The following SLC5A6 variants were observed in gnomAD, a reference collection of about 807,000 sequenced individuals.
The protein encoded by SLC5A6 is sodium-dependent multivitamin transporter.
Under a neutral mutation model 67.9 loss-of-function variants are expected in SLC5A6, and 31 were observed. The ratio of observed to expected loss-of-function variants is 0.46; its 90% CI spans 0.34 to 0.62. The LOEUF (loss-of-function observed/expected upper bound fraction) is 0.62, where lower values mean the gene tolerates loss of function less well. Among genes scored for constraint, SLC5A6 ranks in the 20% least tolerant of loss-of-function variants. The pLI, the probability that SLC5A6 is intolerant of heterozygous loss-of-function variation, is 0.01. For synonymous variants in SLC5A6, 343 were observed against 331.0 expected (o/e 1.04, Z -0.39); for missense variants, 673 against 812.8 (o/e 0.83, Z 2.09).
At position 27,202,970 on chromosome 2, in the gene SLC5A6, C is replaced by T; in HGVS notation, c.1208-90G>A. 5 of 1,573,490 alleles carry T rather than the reference C, an allele frequency of 3.2e-6. No homozygotes were observed. The Admixed American group carries it at 7.9e-5, about 25-fold the overall frequency. ...AAGGCTCCCTGCCCAGCCAAACTAC[C>T]ACCTCTGTCTCTCTGGAAACAAAAG... On this transcript the variant is annotated intron_variant, in intron 11 of 16. Coordinates refer to ENST00000310574, the MANE Select transcript of SLC5A6 (RefSeq NM_021095.4).
At chr2:27,202,767 T>C in intron 12 of SLC5A6, 46 bp downstream of exon 12, 1 of 1,529,556 alleles carries the variant, frequency 6.5e-7, no homozygotes, top group Middle Eastern at 1.7e-4. Flanking sequence ...TTTCAATCAA[T>C]TCCTTCTCTC....
rs757080395 is a variant in SLC5A6, at chr2:27,207,558, C to T, written c.93G>A (p.Val31=). The part of the protein sequence containing the change: ...MSTFSIMDYV[V]FVLLLVLSLA... ...GAGAGAGAACCAGCAGCAGGACGAA[C>T]ACCACATAGTCCATGATGGAGAAGG... is the stretch of plus-strand genomic sequence containing the variant. Residue 31 remains valine (V), a synonymous_variant, in exon 3 of 17, where the codon GTG becomes GTA. Coordinates refer to ENST00000310574, the MANE Select transcript of SLC5A6 (RefSeq NM_021095.4). The surrounding 1 kb of genome is among the most constrained non-coding windows in gnomAD (Gnocchi z 5.5). 9.9e-6 allele frequency: 16 copies of T among 1,614,248 alleles called. No individual in the cohort carries two copies. The highest frequency in any genetic ancestry group is 1.7e-5 in the Admixed American group (1 of 60,028).
At position 27,205,351 on chromosome 2, in the gene SLC5A6, C is replaced by G; in HGVS notation, c.733G>C (p.Glu245Gln). 1 of 1,614,070 alleles carries G rather than the reference C, an allele frequency of 6.2e-7. No homozygotes were observed. The highest frequency in any genetic ancestry group is 8.5e-7 in the Non-Finnish European group (1 of 1,179,976). Residue 245 changes from glutamate (E) to glutamine (Q), a missense_variant and splice_region_variant, in exon 7 of 17, where the codon GAG becomes CAG. Glu to Gln is a conservative substitution (Grantham distance 29). Coordinates refer to ENST00000310574, the MANE Select transcript of SLC5A6 (RefSeq NM_021095.4). ...ASQHGRISGF[E>Q]LDPDPFVRHT... ...AGCCAGGAGTAGGGGTATACTTACT[C>G]AAACCCAGAGATGCGGCCGTGCTGG...
chr2:27,203,746 A>C, intron 10 of SLC5A6, 33 bp downstream of exon 10: 1 of 1,508,870 alleles, frequency 6.6e-7, no homozygotes, highest in Non-Finnish European at 9.2e-7. Context: ...GGTCAGGTGC[A>C]CCAGGCCTGA....
At chr2:27,206,446 A>C in intron 5 of SLC5A6, 37 bp downstream of exon 5, 1 of 1,605,058 alleles carries the variant, frequency 6.2e-7, no homozygotes, top group Non-Finnish European at 8.5e-7. Flanking sequence ...TTCCTAACCT[A>C]CCACGGCTGA....
upstream of SLC5A6, chr2:27,212,341 G>C (rs1252772497): frequency 3.2e-6 from 5 of 1,549,368 alleles, no homozygotes; most frequent in Admixed American, 2.0e-5. Context: ...CGGGTCGCGC[G>C]AGCAGCGGAG....
chr2:27,205,384 C>T lies in SLC5A6; in HGVS notation c.700G>A (p.Val234Met), dbSNP rs373951293. Residue 234 changes from valine to methionine, a missense_variant, in exon 7 of 17, where the codon GTG (valine) becomes ATG (methionine). Physicochemically the swap from Val to Met is conservative, Grantham distance 21. Transcript: ENST00000310574. The part of the protein sequence containing the change: ...KVGGLGRVWA[V>M]ASQHGRISGF... Reference sequence around the variant, plus strand: ...GAGATGCGGCCGTGCTGGGAAGCCACGGCCCACACACGCCCCAAGCCGCCC... The same window carrying T: ...GAGATGCGGCCGTGCTGGGAAGCCATGGCCCACACACGCCCCAAGCCGCCC... The T allele has an allele frequency of 1.8e-5, 29 of 1,614,024 alleles. No homozygotes were observed. Among genetic ancestry groups the T allele is most frequent in the African/African-American group, 6.7e-5 (5 of 74,918 alleles).
At chr2:27,204,217 T>C (rs1572388860) in intron 9 of SLC5A6, among the ~76,000 whole-genome samples, 1 of 152,250 alleles carries the variant, frequency 6.6e-6, no homozygotes, top group South Asian at 2.1e-4. Flanking sequence ...GCAGAGCACA[T>C]GGAGCCCAAT....
intron 10 of SLC5A6, 123 bp downstream of exon 10, chr2:27,203,656 G>C: frequency 1.3e-6 from 1 of 741,558 alleles, no homozygotes; most frequent in East Asian, 2.6e-5. Flanking sequence ...GCACACAGAT[G>C]GGGCAGGCAC....
chr2:27,210,940 CGTGAACCCGCGAG>C (rs1034528066), intron 2 of SLC5A6, among the ~76,000 whole-genome samples: 11 of 152,256 alleles, frequency 7.2e-5, no homozygotes, highest in African/African-American at 2.6e-4. Context: ...AGGAGAATGG[CGTGAACCCGCGAG>C]GCGGAGCTTG....
At position 27,203,217 on chromosome 2, in the gene SLC5A6, G is replaced by C. The variant is rs1193748415; in HGVS notation, c.1207+16C>G. The C allele has an allele frequency of 1.9e-6, 3 of 1,613,994 alleles. No homozygotes were observed. Among genetic ancestry groups the C allele is most frequent in the East Asian group, 4.5e-5 (2 of 44,888 alleles). ...AGAAAGACCCAGACTGAAGAGATGA[G>C]GAAGCATAACCCCACCAAGGCCTCT... is the stretch of plus-strand genomic sequence containing the variant. On this transcript the variant is annotated intron_variant, in intron 11 of 16. Transcript: ENST00000310574.
rs1456920525 is a variant in SLC5A6, at chr2:27,207,824, T to C, written c.-140-34A>G. On this transcript the variant is annotated intron_variant, in intron 2 of 16. Transcript: ENST00000310574. This position sits in a 1 kb window ranked among gnomAD's most constrained non-coding sequence, Gnocchi z 5.5. ...GAATTAGCTCTTAGTGAGGCCTATC[T>C]GGCCTTGGTAGCCATTCACCCTTGG... The C allele has an allele frequency of 1.6e-6, 1 of 637,362 alleles. No homozygotes were observed. The highest frequency in any genetic ancestry group is 1.8e-5 in the African/African-American group (1 of 54,540). The allele number at this position is 637,362 out of a possible 1,614,324, so 39.5% of individuals were successfully genotyped here.
chr2:27,201,737 G>C lies in SLC5A6; in HGVS notation c.1473C>G (p.Ser491=). The stretch of plus-strand genomic sequence containing the variant: ...TTAGATTGGTGGGCAGGGAGAAGCT[G>C]GACCCATTAGAGGGAGAGGGTGGCA... The part of the protein sequence containing the change: ...SSMPPSPSNG[S]SFSLPTNLTV... Residue 491 remains serine, a synonymous_variant, in exon 14 of 17, where the codon TCC becomes TCG. Transcript: ENST00000310574. 6.2e-7 allele frequency: 1 copy of C among 1,614,178 alleles called. No homozygotes were observed. Among genetic ancestry groups the C allele is most frequent in the Non-Finnish European group, 8.5e-7 (1 of 1,179,994 alleles).
chr2:27,201,995 T>C lies in SLC5A6; in HGVS notation c.1355A>G (p.Asn452Ser). The C allele has an allele frequency of 6.2e-7, 1 of 1,613,566 alleles. No individual in the cohort carries two copies. Among genetic ancestry groups the C allele is most frequent in the Non-Finnish European group, 8.5e-7 (1 of 1,179,662 alleles). ...FCLGMFFPCA[N>S]PPGAVVGLLA... ...TCCAGATGCATCACTCACAGGAGGG[T>C]TAGCACATGGAAAGAACATTCCAAG... Residue 452 changes from asparagine to serine, a missense_variant, in exon 13 of 17, where the codon AAC (asparagine) becomes AGC (serine). Coordinates refer to ENST00000310574, the MANE Select transcript of SLC5A6 (RefSeq NM_021095.4).
Position 27,207,066 on chromosome 2 carries a change from G to A in SLC5A6, c.394-124C>T. The A allele has an allele frequency of 9.8e-7, 1 of 1,024,258 alleles. No homozygotes were observed. The highest frequency in any genetic ancestry group is 1.5e-6 in the Non-Finnish European group (1 of 651,260). 63.4% of individuals were successfully genotyped at this position (1,024,258 alleles called of 1,614,324 possible). On this transcript the variant is annotated intron_variant, in intron 3 of 16. Transcript: ENST00000310574. The surrounding 1 kb of genome is among the most constrained non-coding windows in gnomAD (Gnocchi z 5.5). ...CCATACCCACTCTGAGTCCTACTCGGCATAGCACCCTCCTCTCCAATCCTG... is the reference window on the plus strand; with the variant it reads ...CCATACCCACTCTGAGTCCTACTCGACATAGCACCCTCCTCTCCAATCCTG...
At chr2:27,208,635 T>C (rs1674254158) in intron 2 of SLC5A6, 1 of 152,880 alleles carries the variant, frequency 6.5e-6, no homozygotes, top group African/African-American at 2.4e-5. Context: ...ATCCCTGTTC[T>C]GAGGCAGAGT....
upstream of SLC5A6, chr2:27,212,757 C>T: frequency 3.4e-6 from 3 of 872,684 alleles, no homozygotes; most frequent in East Asian, 3.5e-5. Context: ...TGTGTAATCT[C>T]TCTACGCACG....
At chr2:27,201,627 G>A (rs2147990125) in intron 14 of SLC5A6, 39 bp downstream of exon 14, 1 of 1,588,890 alleles carries the variant, frequency 6.3e-7, no homozygotes, top group Non-Finnish European at 8.6e-7. Context: ...CTCAAAGGAG[G>A]GCTTTGAGAA....
At chr2:27,212,460 T>G, upstream of SLC5A6, 1 of 1,562,612 alleles carries the variant, frequency 6.4e-7, no homozygotes, top group Non-Finnish European at 8.7e-7. Flanking sequence ...GCTCTGGCGC[T>G]ACCCGAGGTA....
Sources: gnomAD v4.1 joint callset for allele counts (sites outside exome capture counted in the v4.1 genomes callset) on GRCh38, gnomAD v4.1.1 for gene constraint, Gnocchi (gnomAD v3.1) non-coding constraint, MANE v1.5 for transcripts, NCBI Gene and HGNC (gene_info 2026-07-23, HGNC 2026-07-21) for gene names.